The following NSUN6 variants were observed in gnomAD, a reference collection of about 807,000 sequenced individuals.
NSUN6 encodes NOP2/Sun RNA methyltransferase 6.
NSUN6 carries 64 observed loss-of-function variants against 58.0 expected under a neutral mutation model. That is an observed-to-expected ratio of 1.10 (90% CI 0.90 to 1.36). The LOEUF is 1.36. Among genes scored for constraint, NSUN6 ranks in the 40% most tolerant of loss-of-function variants. The pLI, the probability that NSUN6 is intolerant of heterozygous loss-of-function variation, is 0.00. For missense variants in NSUN6, 701 were observed against 550.1 expected, an observed-to-expected ratio of 1.27 and a Z score of -2.74; for synonymous variants, 231 against 193.9, an observed-to-expected ratio of 1.19 and a Z score of -1.59.
In NSUN6 at chr10:18,548,174, C is replaced by T. The variant is rs776437135; in HGVS notation, c.1135G>A (p.Glu379Lys). 40 of 1,613,534 alleles carry T rather than the reference C, an allele frequency of 2.5e-5. No individual in the cohort carries two copies. The South Asian group carries it at 3.2e-4, about 13-fold the overall frequency. ...VYSTCTITLAENEEQVAWALT... is the reference protein window; with the variant it reads ...VYSTCTITLAKNEEQVAWALT... ...GCCCAGGCAACCTGTTCTTCATTTT[C>T]GGCCAGTGTTATAGTGCACGTGCTA... The change falls in exon 10 of 11, where the codon GAA (glutamate) becomes AAA (lysine). Residue 379 changes from glutamate to lysine, a missense_variant. Physicochemically the swap from Glu to Lys is moderately conservative, Grantham distance 56. Transcript: ENST00000377304.
intron 8 of NSUN6, among the ~76,000 whole-genome samples, chr10:18,559,774 G>A (rs953317098): frequency 6.7e-6 from 1 of 150,358 alleles, no homozygotes; most frequent in East Asian, 2.0e-4. Flanking sequence ...GGAATGGAAT[G>A]CAGAATGGAA....
At chr10:18,626,317 A>C (rs2058803772) in intron 3 of NSUN6, among the ~76,000 whole-genome samples, 1 of 152,000 alleles carries the variant, frequency 6.6e-6, no homozygotes, top group Non-Finnish European at 1.5e-5. Flanking sequence ...AGGAGGGTGG[A>C]TCACTTGAGC....
In NSUN6 at chr10:18,596,217, C is replaced by T. The variant is rs1198949540; in HGVS notation, c.768G>A (p.Met256Ile). ...GGKTTHIAAL[M>I]HDQGEVIALD... ...GTGAAGACAGTCTCACCTGATCATGCATTAGTGCTGCAATGTGTGTTGTTT... is the reference window on the plus strand; with the variant it reads ...GTGAAGACAGTCTCACCTGATCATGTATTAGTGCTGCAATGTGTGTTGTTT... The change falls in exon 7 of 11, where the codon ATG (methionine) becomes ATA (isoleucine). Residue 256 changes from methionine to isoleucine, a missense_variant. Physicochemically the swap from Met to Ile is conservative, Grantham distance 10. Coordinates refer to ENST00000377304, the MANE Select transcript of NSUN6 (RefSeq NM_182543.5). 6.2e-7 allele frequency: 1 copy of T among 1,611,212 alleles called. No homozygotes were observed. The highest frequency in any genetic ancestry group is 8.5e-7 in the Non-Finnish European group (1 of 1,177,520).
intron 9 of NSUN6, among the ~76,000 whole-genome samples, chr10:18,549,432 T>A (rs1419090448): frequency 6.6e-6 from 1 of 152,166 alleles, no homozygotes; most frequent in Non-Finnish European, 1.5e-5. Flanking sequence ...CTCTGTAGAT[T>A]TGCAACTATT....
At chr10:18,609,036 C>T (rs1489904041) in intron 6 of NSUN6, among the ~76,000 whole-genome samples, 3 of 152,126 alleles carry the variant, frequency 2.0e-5, no homozygotes, top group Non-Finnish European at 2.9e-5. Flanking sequence ...AGGCCAGGTA[C>T]GGTGGCTCAC....
chr10:18,659,296 C>A (rs547574322), upstream of NSUN6: 7 of 290,234 alleles, frequency 2.4e-5, no homozygotes, highest in African/African-American at 1.1e-4. Context: ...GCCGTCGTCA[C>A]GCGCCTAGCT....
chr10:18,552,080 A>G, intron 8 of NSUN6, 109 bp from the exon 9 acceptor site: 1 of 676,364 alleles, frequency 1.5e-6, no homozygotes, highest in Admixed American at 3.0e-5. Context: ...AAAAAATGAA[A>G]CAATTTCTCC....
At chr10:18,605,669 C>T (rs990389879) in intron 6 of NSUN6, among the ~76,000 whole-genome samples, 1 of 152,204 alleles carries the variant, frequency 6.6e-6, no homozygotes, top group Non-Finnish European at 1.5e-5. Flanking sequence ...GTAAGAGACA[C>T]ATGGCTGTGG....
chr10:18,582,459 T>C (rs566469311), intron 8 of NSUN6, among the ~76,000 whole-genome samples: 1 of 152,128 alleles, frequency 6.6e-6, no homozygotes, highest in Non-Finnish European at 1.5e-5. Context: ...GGGAGCTCCA[T>C]GAGAAGAATC....
At chr10:18,564,005 C>T (rs1251425241) in intron 8 of NSUN6, among the ~76,000 whole-genome samples, 2 of 150,982 alleles carry the variant, frequency 1.3e-5, no homozygotes, top group African/African-American at 2.4e-5. Context: ...CATTCCACTG[C>T]ATTCCATTCT....
intron 6 of NSUN6, among the ~76,000 whole-genome samples, chr10:18,609,229 T>A (rs1264067823): frequency 1.3e-5 from 2 of 152,164 alleles, no homozygotes; most frequent in Non-Finnish European, 2.9e-5. Context: ...GAAGATCGCT[T>A]GAGCCCAGGA....
intron 3 of NSUN6, among the ~76,000 whole-genome samples, chr10:18,617,408 G>A (rs1046513516): frequency 1.3e-5 from 2 of 151,880 alleles, no homozygotes; most frequent in Non-Finnish European, 2.9e-5. Context: ...GGTGGGTCTC[G>A]AACTCCTGAC....
chr10:18,551,292 G>GT (rs34031704), intron 9 of NSUN6, among the ~76,000 whole-genome samples: 56 of 144,952 alleles, frequency 3.9e-4, no homozygotes, highest in East Asian at 1.8e-3. Context: ...GTGTGTGTGT[G>GT]GTAAAATATA....
intron 6 of NSUN6, among the ~76,000 whole-genome samples, chr10:18,605,999 C>G (rs2058035029): frequency 6.6e-6 from 1 of 151,960 alleles, no homozygotes; most frequent in Non-Finnish European, 1.5e-5. Context: ...ATTGCTGGAT[C>G]AGAGATAGAC....
chr10:18,585,811 TAC>T (rs1170907892), intron 8 of NSUN6, 136 bp downstream of exon 8: 4 of 570,940 alleles, frequency 7.0e-6, no homozygotes, highest in Non-Finnish European at 1.2e-5. Flanking sequence ...CAAGGATAAG[TAC>T]AGTGATGGAT....
intron 6 of NSUN6, among the ~76,000 whole-genome samples, chr10:18,599,143 T>C (rs2057709817): frequency 6.6e-6 from 1 of 152,154 alleles, no homozygotes; most frequent in African/African-American, 2.4e-5. Context: ...GCTCAAGAAA[T>C]CCTCCCACAT....
chr10:18,564,768 T>C (rs1336616260), intron 8 of NSUN6, among the ~76,000 whole-genome samples: 1 of 116,806 alleles, frequency 8.6e-6, no homozygotes, highest in African/African-American at 2.8e-5. Flanking sequence ...CCATACTGCA[T>C]TCCATTCCAT....
intron 10 of NSUN6, among the ~76,000 whole-genome samples, chr10:18,546,547 T>A (rs1226653600): frequency 6.6e-6 from 1 of 152,134 alleles, no homozygotes; most frequent in African/African-American, 2.4e-5. Context: ...ACACCTGGCA[T>A]ATAGCAGGGA....
rs191433466 is a variant in NSUN6, at chr10:18,581,751, G to A, written c.922+4198C>T. ...TGAGGCAGGAGAATCGCTTGAACCC[G>A]GGAGGCGGAGGCTGAAGTGAGCCGA... On this transcript the variant is annotated intron_variant, in intron 8 of 10. Transcript: ENST00000377304. Among the ~76,000 whole-genome samples the A allele has an allele frequency of 5.9e-5, 9 of 151,912 alleles. No individual in the cohort carries two copies. In the East Asian group the frequency reaches 1.2e-3, roughly 20 times the overall value.
Sources: allele counts gnomAD v4.1 joint callset (sites outside exome capture counted in the v4.1 genomes callset), GRCh38; gene constraint gnomAD v4.1.1; transcripts MANE v1.5; gene names NCBI Gene and HGNC (gene_info 2026-07-23, HGNC 2026-07-21).